The following FRMD4A variants were observed in gnomAD, a reference collection of about 807,000 sequenced individuals.
The protein encoded by FRMD4A is FERM domain-containing protein 4A.
FRMD4A carries 29 observed loss-of-function variants against 129.1 expected under a neutral mutation model. The ratio of observed to expected loss-of-function variants is 0.22; its 90% CI spans 0.17 to 0.31. The LOEUF (loss-of-function observed/expected upper bound fraction) is 0.31. Ranked by LOEUF, FRMD4A falls within the 10% of genes least tolerant of loss-of-function variation. The pLI is 1.00. For synonymous variants in FRMD4A, 634 were observed against 571.6 expected (o/e 1.11, Z -1.56); for missense variants, 1,272 against 1,375.8 (o/e 0.92, Z 1.19).
At chr10:14,116,110 C>T (rs1838183185) in intron 2 of FRMD4A, among the ~76,000 whole-genome samples, 1 of 152,152 alleles carries the variant, frequency 6.6e-6, no homozygotes. Context: ...ATCATGCGTG[C>T]CTTAGTTGTT....
intron 2 of FRMD4A, among the ~76,000 whole-genome samples, chr10:13,965,095 GAGA>G (rs1167056213): frequency 6.8e-6 from 1 of 147,538 alleles, no homozygotes; most frequent in African/African-American, 2.5e-5. Context: ...TTCAGCTAAG[GAGA>G]AGAATGGTCA....
At chr10:13,847,157 G>T (rs374601156) in intron 3 of FRMD4A, among the ~76,000 whole-genome samples, 2 of 152,226 alleles carry the variant, frequency 1.3e-5, no homozygotes, top group Admixed American at 6.5e-5. Flanking sequence ...CGGGTTGGAG[G>T]AGGAGTAGGA....
intron 2 of FRMD4A, among the ~76,000 whole-genome samples, chr10:14,019,303 G>A (rs987940161): frequency 1.8e-4 from 28 of 152,100 alleles, no homozygotes; most frequent in Non-Finnish European, 4.1e-4. Flanking sequence ...GAAAATCTTA[G>A]ATAAAAATGA....
chr10:14,113,171 A>G (rs1838013993), intron 2 of FRMD4A, among the ~76,000 whole-genome samples: 1 of 152,354 alleles, frequency 6.6e-6, no homozygotes, highest in East Asian at 1.9e-4. Context: ...ATAGATATAC[A>G]TAGATACATC....
chr10:14,096,684 G>T (rs1450496421), intron 2 of FRMD4A, among the ~76,000 whole-genome samples: 1 of 152,210 alleles, frequency 6.6e-6, no homozygotes, highest in African/African-American at 2.4e-5. Flanking sequence ...ATGAAAATAA[G>T]TGGGCAGATC....
intron 2 of FRMD4A, among the ~76,000 whole-genome samples, chr10:14,311,427 C>G (rs1218414): frequency 0.039 from 5,962 of 152,300 alleles, 385 homozygotes; most frequent in African/African-American, 0.13. Context: ...CATGAGCCAT[C>G]TGGTTCTATA....
intron 2 of FRMD4A, among the ~76,000 whole-genome samples, chr10:13,968,155 G>A (rs1325304810): frequency 6.6e-6 from 1 of 152,150 alleles, no homozygotes; most frequent in African/African-American, 2.4e-5. Flanking sequence ...AAAACCTTTA[G>A]ACCATCCCAA....
intron 2 of FRMD4A, among the ~76,000 whole-genome samples, chr10:14,198,213 C>CAGA (rs1345154303): frequency 1.3e-5 from 2 of 152,196 alleles, no homozygotes; most frequent in Non-Finnish European, 2.9e-5. Flanking sequence ...TCAGATATAA[C>CAGA]TAAGGAACAG....
intron 5 of FRMD4A, among the ~76,000 whole-genome samples, chr10:13,783,835 G>A (rs1056646374): frequency 9.2e-5 from 14 of 152,086 alleles, no homozygotes; most frequent in Admixed American, 5.9e-4. Context: ...AATGAGAATC[G>A]GATTTCATCT....
chr10:13,652,128 G>GTACTT (rs2081672308), intron 23 of FRMD4A, 154 bp from the exon 24 acceptor site: 1 of 658,542 alleles, frequency 1.5e-6, no homozygotes, highest in Non-Finnish European at 2.8e-6. Flanking sequence ...AAGTCATGCA[G>GTACTT]TACTTTCAGT....
intron 2 of FRMD4A, among the ~76,000 whole-genome samples, chr10:14,267,167 G>T (rs1378529613): frequency 1.3e-5 from 2 of 152,174 alleles, no homozygotes; most frequent in Admixed American, 6.6e-5. Context: ...GTTAAGAAAG[G>T]TATGAGGTCA....
chr10:13,709,921 G>A (rs1041789723), intron 12 of FRMD4A, among the ~76,000 whole-genome samples: 1 of 152,012 alleles, frequency 6.6e-6, no homozygotes, highest in Non-Finnish European at 1.5e-5. Context: ...TGGGGAACAG[G>A]CGGTATTTGG....
chr10:13,886,119 C>T (rs768702650), intron 2 of FRMD4A, among the ~76,000 whole-genome samples: 1 of 152,146 alleles, frequency 6.6e-6, no homozygotes, highest in African/African-American at 2.4e-5. Context: ...GTGGCGAGAG[C>T]GTAATGGTAC....
intron 2 of FRMD4A, among the ~76,000 whole-genome samples, chr10:14,166,509 CAAA>C (rs1841183531): frequency 1.3e-5 from 2 of 152,098 alleles, no homozygotes; most frequent in Admixed American, 1.3e-4. Flanking sequence ...GCTTTTTCAA[CAAA>C]AGTAAAGTCA....
chr10:14,003,318 C>G (rs1418943459), intron 2 of FRMD4A, among the ~76,000 whole-genome samples: 1 of 152,028 alleles, frequency 6.6e-6, no homozygotes, highest in Non-Finnish European at 1.5e-5. Flanking sequence ...TTTTAGGAAG[C>G]TGGGGGTGTT....
intron 3 of FRMD4A, among the ~76,000 whole-genome samples, chr10:13,850,645 G>A (rs1190213205): frequency 2.0e-5 from 3 of 152,174 alleles, no homozygotes; most frequent in Non-Finnish European, 4.4e-5. Flanking sequence ...ATCGTTTATG[G>A]CTCTGGTGTC....
chr10:14,085,769 T>G (rs1836233538), intron 2 of FRMD4A, among the ~76,000 whole-genome samples: 2 of 152,226 alleles, frequency 1.3e-5, no homozygotes, highest in African/African-American at 4.8e-5. Context: ...CTGGACCATC[T>G]GCCTGGTCCC....
At chr10:13,983,730 T>C (rs1221315841) in intron 2 of FRMD4A, among the ~76,000 whole-genome samples, 1 of 151,922 alleles carries the variant, frequency 6.6e-6, no homozygotes, top group African/African-American at 2.4e-5. Context: ...CCGGGCGCGG[T>C]GGCTCATGCC....
At chr10:13,661,145 C>T (rs1318736880) in intron 19 of FRMD4A, among the ~76,000 whole-genome samples, 1 of 152,192 alleles carries the variant, frequency 6.6e-6, no homozygotes, top group Non-Finnish European at 1.5e-5. Context: ...TTAATCTCTT[C>T]CTCTATATTT....
Sources: allele counts gnomAD v4.1 joint callset (sites outside exome capture counted in the v4.1 genomes callset), GRCh38; gene constraint gnomAD v4.1.1; transcripts MANE v1.5; gene names NCBI Gene and HGNC (gene_info 2026-07-23, HGNC 2026-07-21).